The following ZFAND3 variants were observed in gnomAD, a reference collection of about 807,000 sequenced individuals.
The protein encoded by ZFAND3 is AN1-type zinc finger protein 3.
ZFAND3 carries 10 observed loss-of-function variants against 29.6 expected under a neutral mutation model. The ratio of observed to expected loss-of-function variants is 0.34; its 90% confidence interval spans 0.21 to 0.57. The LOEUF (loss-of-function observed/expected upper bound fraction) is 0.57. Among genes scored for constraint, ZFAND3 ranks in the 20% least tolerant of loss-of-function variants. The pLI is 0.86. For missense variants in ZFAND3, 230 were observed against 304.5 expected (o/e 0.76, Z 1.82); for synonymous variants, 128 against 112.6 (o/e 1.14, Z -0.87).
intron 2 of ZFAND3, among the ~76,000 whole-genome samples, chr6:38,023,743 T>G (rs1763394401): frequency 6.6e-6 from 1 of 152,216 alleles, no homozygotes; most frequent in African/African-American, 2.4e-5. Context: ...AAGAAATAGC[T>G]TTTACAAAAA....
chr6:38,061,555 G>A lies in ZFAND3; in HGVS notation c.113-38G>A, dbSNP rs184791075. ...TTGTTTTCTAATCCTCAGAGACTGTGAACTCCTTAATTAAGCTCGTTTTCT... is the reference window on the plus strand; with the variant it reads ...TTGTTTTCTAATCCTCAGAGACTGTAAACTCCTTAATTAAGCTCGTTTTCT... On this transcript the variant is annotated intron_variant, in intron 2 of 5. Coordinates refer to ENST00000287218, the MANE Select transcript of ZFAND3 (RefSeq NM_021943.3). 11,535 of 1,610,726 alleles carry A rather than the reference G, an allele frequency of 7.2e-3. 54 individuals carry two copies. The highest frequency in any genetic ancestry group is 1.0e-2 in the South Asian group (908 of 90,906).
intron 3 of ZFAND3, among the ~76,000 whole-genome samples, chr6:38,063,231 A>G (rs890371466): frequency 3.3e-5 from 5 of 152,230 alleles, no homozygotes; most frequent in Non-Finnish European, 5.9e-5. Flanking sequence ...ATAAACTGCT[A>G]TATTTGGTAA....
chr6:38,078,521 A>G (rs563316696), intron 3 of ZFAND3, among the ~76,000 whole-genome samples: 1 of 152,348 alleles, frequency 6.6e-6, no homozygotes, highest in African/African-American at 2.4e-5. Flanking sequence ...ATGATTGGCT[A>G]AAAGTTATTT....
At chr6:37,997,935 T>C (rs947792340) in intron 2 of ZFAND3, among the ~76,000 whole-genome samples, 1 of 152,144 alleles carries the variant, frequency 6.6e-6, no homozygotes, top group Admixed American at 6.5e-5. Flanking sequence ...AATTGGAAGA[T>C]TGTTCAGGAA....
At chr6:38,095,904 G>A (rs1413371548) in intron 4 of ZFAND3, among the ~76,000 whole-genome samples, 1 of 151,798 alleles carries the variant, frequency 6.6e-6, no homozygotes, top group Non-Finnish European at 1.5e-5. Flanking sequence ...ATAGTGGTGC[G>A]CACCTGTGGT....
chr6:38,080,066 A>C (rs1208264798), intron 3 of ZFAND3, among the ~76,000 whole-genome samples: 2 of 151,850 alleles, frequency 1.3e-5, no homozygotes, highest in East Asian at 1.9e-4. Flanking sequence ...AAAAAAAAAA[A>C]AACACCACAT....
chr6:37,825,480 G>A (rs935067736), intron 1 of ZFAND3, among the ~76,000 whole-genome samples: 12 of 151,976 alleles, frequency 7.9e-5, no homozygotes, highest in African/African-American at 2.4e-4. Context: ...TCAGAAAATA[G>A]GAAACTCGTC....
At chr6:37,967,673 T>G (rs549796748) in intron 2 of ZFAND3, among the ~76,000 whole-genome samples, 113 of 152,384 alleles carry the variant, frequency 7.4e-4, no homozygotes, top group African/African-American at 2.6e-3. Flanking sequence ...ATTCTAGTTT[T>G]CTCACTTTCT....
intron 2 of ZFAND3, among the ~76,000 whole-genome samples, chr6:37,991,894 A>T (rs1762765458): frequency 6.6e-6 from 1 of 152,174 alleles, no homozygotes; most frequent in Non-Finnish European, 1.5e-5. Flanking sequence ...TTGGTTATTA[A>T]ACTTTTGTAT....
intron 2 of ZFAND3, among the ~76,000 whole-genome samples, chr6:38,009,601 C>T (rs192400531): frequency 1.3e-5 from 2 of 152,292 alleles, no homozygotes; most frequent in Non-Finnish European, 2.9e-5. Flanking sequence ...GCATACGTAG[C>T]CACCATCCAG....
chr6:38,073,335 T>TG (rs138461681), intron 3 of ZFAND3, among the ~76,000 whole-genome samples: 11 of 143,674 alleles, frequency 7.7e-5, no homozygotes, highest in Non-Finnish European at 1.2e-4. Flanking sequence ...GAACTATGTT[T>TG]GAAAAAAAAA....
intron 1 of ZFAND3, among the ~76,000 whole-genome samples, chr6:37,909,074 G>C (rs1765470165): frequency 6.6e-6 from 1 of 152,106 alleles, no homozygotes; most frequent in African/African-American, 2.4e-5. Context: ...AACTCTTTCA[G>C]AGAGAAATTT....
intron 1 of ZFAND3, among the ~76,000 whole-genome samples, chr6:37,874,864 T>C (rs1038820959): frequency 2.0e-5 from 3 of 152,164 alleles, no homozygotes; most frequent in African/African-American, 7.2e-5. Flanking sequence ...TGTGAGCTAC[T>C]GTGCCTGGCT....
At chr6:37,834,160 G>C (rs767056748) in intron 1 of ZFAND3, among the ~76,000 whole-genome samples, 1 of 152,072 alleles carries the variant, frequency 6.6e-6, no homozygotes, top group Non-Finnish European at 1.5e-5. Flanking sequence ...TGCTCTGCCT[G>C]TTCATCTCTC....
At chr6:37,899,380 A>G (rs563163778) in intron 1 of ZFAND3, among the ~76,000 whole-genome samples, 9 of 152,224 alleles carry the variant, frequency 5.9e-5, no homozygotes, top group South Asian at 2.1e-4. Flanking sequence ...AAAGCGTGCA[A>G]TATTTCACCA....
At chr6:37,891,832 G>A (rs942924001) in intron 1 of ZFAND3, among the ~76,000 whole-genome samples, 2 of 151,966 alleles carry the variant, frequency 1.3e-5, no homozygotes, top group Non-Finnish European at 2.9e-5. Flanking sequence ...AGATTCAAGC[G>A]ATTCTCCTAT....
intron 2 of ZFAND3, among the ~76,000 whole-genome samples, chr6:38,033,585 A>G (rs866090839): frequency 1.6e-4 from 24 of 152,200 alleles, no homozygotes; most frequent in Admixed American, 1.3e-3. Context: ...GCTGTGTCTG[A>G]AAAGATTATT....
chr6:38,002,573 A>T (rs1255838860), intron 2 of ZFAND3, among the ~76,000 whole-genome samples: 1 of 152,150 alleles, frequency 6.6e-6, no homozygotes, highest in Non-Finnish European at 1.5e-5. Context: ...GCTACTCAAG[A>T]GGCTGAGGTG....
chr6:38,009,630 G>A (rs1207643977), intron 2 of ZFAND3, among the ~76,000 whole-genome samples: 1 of 152,138 alleles, frequency 6.6e-6, no homozygotes, highest in Non-Finnish European at 1.5e-5. Context: ...TTAAAAGTAG[G>A]TGTGGTTTAA....
Sources: allele counts gnomAD v4.1 joint callset (sites outside exome capture counted in the v4.1 genomes callset), GRCh38; gene constraint gnomAD v4.1.1; transcripts MANE v1.5; gene names NCBI Gene and HGNC (gene_info 2026-07-23, HGNC 2026-07-21).